Variants in NRG3 observed in about 807,000 individuals in gnomAD.
NRG3 encodes neuregulin 3, also known as pro-neuregulin-3, membrane-bound isoform.
NRG3 carries 31 observed loss-of-function variants against 66.9 expected under a neutral mutation model. The ratio of observed to expected loss-of-function variants is 0.46; its 90% CI spans 0.35 to 0.63. The LOEUF is 0.63. NRG3 is among the 20% of genes least tolerant of loss of function. The pLI is 0.00. For synonymous variants in NRG3, 393 were observed against 359.4 expected (o/e 1.09, Z -1.06); for missense variants, 910 against 878.9 (o/e 1.04, Z -0.45).
rs569905764 is a variant in NRG3, at chr10:82,059,393, A to G, written c.823+183230A>G. On this transcript the variant is annotated intron_variant, in intron 1 of 8. Coordinates refer to ENST00000372141, the MANE Select transcript of NRG3 (RefSeq NM_001010848.4). ...ATATTTCAGGGTGAATGGCCAGATT[A>G]GGTAATGACTAAGATAGCAAGGATG... Among the ~76,000 whole-genome samples the G allele has an allele frequency of 7.2e-5, 11 of 152,332 alleles. No homozygotes were observed. The South Asian group carries it at 2.3e-3, about 32-fold the overall frequency.
chr10:81,907,307 C>T (rs1844691121), intron 1 of NRG3, among the ~76,000 whole-genome samples: 1 of 152,110 alleles, frequency 6.6e-6, no homozygotes, highest in Non-Finnish European at 1.5e-5. Context: ...AACACAGTCC[C>T]TTCCAAATAT....
chr10:82,025,356 G>A (rs374979580), intron 1 of NRG3, among the ~76,000 whole-genome samples: 8 of 151,436 alleles, frequency 5.3e-5, no homozygotes, highest in East Asian at 1.9e-4. Flanking sequence ...AATATAGATT[G>A]TAGTGTATAT....
intron 2 of NRG3, among the ~76,000 whole-genome samples, chr10:82,454,904 G>A (rs907479722): frequency 1.2e-4 from 18 of 152,162 alleles, no homozygotes; most frequent in African/African-American, 3.4e-4. Context: ...CATTTGCAAC[G>A]TACTCTCATT....
chr10:82,457,765 A>T (rs1394530237), intron 2 of NRG3, among the ~76,000 whole-genome samples: 1 of 152,166 alleles, frequency 6.6e-6, no homozygotes, highest in East Asian at 1.9e-4. Flanking sequence ...AGGGACCTGA[A>T]TGTCAGTGAA....
At position 82,773,471 on chromosome 10, in the gene NRG3, A is replaced by C. The variant is rs143230905; in HGVS notation, c.1027+34821A>C. On this transcript the variant is annotated intron_variant, in intron 3 of 8. Transcript: ENST00000372141. ...TATCGGGTTGTAAATGATCTTAATA[A>C]ATTTTGGATATTAATCCCTTATCAG... is the stretch of plus-strand genomic sequence containing the variant. Among the ~76,000 whole-genome samples the C allele has an allele frequency of 6.3e-3, 951 of 152,148 alleles. 5 individuals are homozygous for C. Among genetic ancestry groups the C allele is most frequent in the African/African-American group, 0.022 (897 of 41,538 alleles).
At chr10:82,663,363 A>G (rs1461330540) in intron 2 of NRG3, among the ~76,000 whole-genome samples, 1 of 152,200 alleles carries the variant, frequency 6.6e-6, no homozygotes, top group East Asian at 1.9e-4. Context: ...TAATTTTTGT[A>G]TGAGACAAAC....
rs533403670 is a variant in NRG3 at position 82,627,698 on chromosome 10, G to A, written c.954-110879G>A. Among the ~76,000 whole-genome samples the A allele has an allele frequency of 1.6e-3, 240 of 152,158 alleles. 1 individual carries two copies. Among genetic ancestry groups the A allele is most frequent in the African/African-American group, 5.6e-3 (231 of 41,532 alleles). ...CCATTGCAGTTATTCTAACACAGGT[G>A]CCAAATGGACTCTCACATACATCCC... On this transcript the variant is annotated intron_variant, in intron 2 of 8. Transcript: ENST00000372141.
intron 2 of NRG3, among the ~76,000 whole-genome samples, chr10:82,619,272 T>A (rs2048876667): frequency 6.6e-6 from 1 of 152,096 alleles, no homozygotes; most frequent in Non-Finnish European, 1.5e-5. Flanking sequence ...CACCATTATG[T>A]GAATATGGGG....
At chr10:82,647,683 T>A (rs1437235406) in intron 2 of NRG3, among the ~76,000 whole-genome samples, 1 of 151,244 alleles carries the variant, frequency 6.6e-6, no homozygotes, top group East Asian at 1.9e-4. Flanking sequence ...CCTGAATTTT[T>A]AATGATTGCC....
intron 1 of NRG3, among the ~76,000 whole-genome samples, chr10:81,890,722 G>T (rs529719997): frequency 6.6e-6 from 1 of 152,304 alleles, no homozygotes; most frequent in Admixed American, 6.5e-5. Flanking sequence ...GACTTTAATT[G>T]CTAGCTACAG....
intron 3 of NRG3, among the ~76,000 whole-genome samples, chr10:82,752,237 G>A (rs966774892): frequency 6.6e-6 from 1 of 152,024 alleles, no homozygotes; most frequent in Non-Finnish European, 1.5e-5. Context: ...TTTTAGGATA[G>A]TAATACATTC....
At chr10:82,059,332 C>T (rs1025985647) in intron 1 of NRG3, among the ~76,000 whole-genome samples, 2 of 152,044 alleles carry the variant, frequency 1.3e-5, no homozygotes, top group Non-Finnish European at 2.9e-5. Context: ...TAACTATGGC[C>T]TAGTAAATGT....
intron 2 of NRG3, among the ~76,000 whole-genome samples, chr10:82,699,424 C>T (rs754252305): frequency 1.3e-4 from 20 of 152,120 alleles, no homozygotes; most frequent in Middle Eastern, 3.4e-3. Flanking sequence ...TTATTTTTAA[C>T]GTTCTTTAGC....
intron 2 of NRG3, among the ~76,000 whole-genome samples, chr10:82,504,367 T>C (rs901264461): frequency 6.6e-6 from 1 of 152,210 alleles, no homozygotes; most frequent in Non-Finnish European, 1.5e-5. Context: ...TTCCTCAGCA[T>C]AGCATTTTTT....
At chr10:82,222,240 A>G (rs1460520977) in intron 1 of NRG3, among the ~76,000 whole-genome samples, 1 of 151,942 alleles carries the variant, frequency 6.6e-6, no homozygotes, top group African/African-American at 2.4e-5. Context: ...TTATCTGGTG[A>G]TGGAGTGGTA....
intron 2 of NRG3, among the ~76,000 whole-genome samples, chr10:82,720,232 A>G (rs1044680229): frequency 6.6e-6 from 1 of 152,146 alleles, no homozygotes; most frequent in Non-Finnish European, 1.5e-5. Context: ...TCTACTAAAA[A>G]TACAAAAATT....
At chr10:82,920,172 C>G (rs528332547) in intron 4 of NRG3, among the ~76,000 whole-genome samples, 14 of 151,982 alleles carry the variant, frequency 9.2e-5, no homozygotes, top group Admixed American at 5.9e-4. Context: ...AGGAACTGTA[C>G]GTAAGTACTG....
At chr10:82,661,937 G>A (rs1383052464) in intron 2 of NRG3, among the ~76,000 whole-genome samples, 3 of 152,168 alleles carry the variant, frequency 2.0e-5, no homozygotes, top group African/African-American at 4.8e-5. Flanking sequence ...CGCCTCATCA[G>A]TGGTGAAGCT....
chr10:82,469,171 CAT>C (rs1040653243), intron 2 of NRG3, among the ~76,000 whole-genome samples: 12 of 152,170 alleles, frequency 7.9e-5, no homozygotes, highest in African/African-American at 2.9e-4. Flanking sequence ...TGAAAAGACA[CAT>C]GTTTATTGCC....
Sources: allele counts gnomAD v4.1 joint callset (sites outside exome capture counted in the v4.1 genomes callset), GRCh38; gene constraint gnomAD v4.1.1; transcripts MANE v1.5; gene names NCBI Gene and HGNC (gene_info 2026-07-23, HGNC 2026-07-21).